WARS2: variants seen among roughly 807,000 people sequenced by gnomAD.
WARS2 encodes the protein tryptophan--tRNA ligase, mitochondrial.
In WARS2, 28 loss-of-function variants were observed where a neutral mutation model predicts 36.5. The ratio of observed to expected loss-of-function variants is 0.77; its 90% confidence interval spans 0.57 to 1.05. The LOEUF is 1.05. WARS2 is among the 50% of genes least tolerant of loss of function. The pLI, the probability that WARS2 is intolerant of heterozygous loss-of-function variation, is 0.00. For synonymous variants in WARS2, 174 were observed against 178.4 expected (o/e 0.98, Z 0.20); for missense variants, 435 against 456.8 (o/e 0.95, Z 0.44).
At position 119,031,266 on chromosome 1, in the gene WARS2, C is replaced by A. The variant is rs1034492539; in HGVS notation, c.*1645G>T. The A allele has an allele frequency of 3.9e-5, 6 of 152,168 alleles. No individual in the cohort carries two copies. Among genetic ancestry groups the A allele is most frequent in the African/African-American group, 9.7e-5 (4 of 41,420 alleles). 9.4% of individuals were successfully genotyped at this position (152,168 alleles called of 1,614,324 possible). ...TTTGTCATTTTCCAGTATTCACAAT[C>A]CTTTCAAAGTTTCCTTTAAAGGGGA... On this transcript the variant is annotated 3_prime_UTR_variant, in exon 6 of 6. Transcript: ENST00000235521.
chr1:119,076,447 T>A lies in WARS2; in HGVS notation c.251A>T (p.Asp84Val). 1 of 1,614,036 alleles carries A rather than the reference T, an allele frequency of 6.2e-7. No homozygotes were observed. The highest frequency in any genetic ancestry group is 8.5e-7 in the Non-Finnish European group (1 of 1,180,006). ...GATGCTCTGCCGAAGGACAGCTGGG[T>A]CTTGGGGGACAGTAATGGAGTGGAG... ...VDLHSITVPQDPAVLRQSILD... is the reference protein window; with the variant it reads ...VDLHSITVPQVPAVLRQSILD... The change falls in exon 2 of 6, where the codon GAC (aspartate) becomes GTC (valine). Residue 84 changes from aspartate (D) to valine (V), a missense_variant. By Grantham distance (152) the Asp-to-Val change is radical. Coordinates refer to ENST00000235521, the MANE Select transcript of WARS2 (RefSeq NM_015836.4).
chr1:119,038,169 G>A (rs17023129), intron 4 of WARS2, among the ~76,000 whole-genome samples: 3,102 of 152,264 alleles, frequency 0.02, 116 homozygotes, highest in African/African-American at 0.071. Context: ...CTTTCAGTAG[G>A]GTTCTGGTTT....
At chr1:119,097,843 T>C (rs900856548) in intron 1 of WARS2, among the ~76,000 whole-genome samples, 2 of 152,054 alleles carry the variant, frequency 1.3e-5, no homozygotes, top group Admixed American at 6.6e-5. Flanking sequence ...TCGTCTTAAA[T>C]CCCATGACAC....
intron 1 of WARS2, among the ~76,000 whole-genome samples, chr1:119,129,708 C>T (rs765518931): frequency 1.0e-4 from 15 of 148,020 alleles, no homozygotes; most frequent in Admixed American, 2.1e-4. Context: ...GAGTGATACT[C>T]TATCTCAAAA....
chr1:119,058,916 G>A (rs1423425659), intron 2 of WARS2, among the ~76,000 whole-genome samples: 1 of 151,120 alleles, frequency 6.6e-6, no homozygotes, highest in African/African-American at 2.4e-5. Flanking sequence ...CTAGTTTACA[G>A]TCCCACCAAC....
intron 1 of WARS2, among the ~76,000 whole-genome samples, chr1:119,122,018 C>T (rs954501885): frequency 6.6e-6 from 1 of 152,020 alleles, no homozygotes; most frequent in Admixed American, 6.6e-5. Flanking sequence ...AAAGCAAATG[C>T]AATGAAAACC....
intron 1 of WARS2, among the ~76,000 whole-genome samples, chr1:119,121,407 G>A (rs1277546711): frequency 1.3e-5 from 2 of 152,052 alleles, no homozygotes; most frequent in Non-Finnish European, 2.9e-5. Context: ...ACAAACAAAT[G>A]GAAACACATC....
At chr1:119,103,386 T>G (rs587626012) in intron 1 of WARS2, among the ~76,000 whole-genome samples, 2 of 152,100 alleles carry the variant, frequency 1.3e-5, no homozygotes, top group African/African-American at 2.4e-5. Context: ...ATCCCAACAT[T>G]TGGATTTGGG....
Position 119,053,310 on chromosome 1 carries a change from C to T in WARS2, c.349-7648G>A, listed in dbSNP as rs201538757. On this transcript the variant is annotated intron_variant, in intron 2 of 5. Coordinates refer to ENST00000235521, the MANE Select transcript of WARS2 (RefSeq NM_015836.4). ...GAAGAGATAGTAGCAATGGCAGTGG[C>T]GATAGAGACTACGTGCTGCCTGCAA... Among the ~76,000 whole-genome samples the T allele has an allele frequency of 1.1e-4, 16 of 152,204 alleles. No individual in the cohort carries two copies. In the East Asian group the frequency reaches 2.5e-3, roughly 24 times the overall value.
chr1:119,059,937 G>C (rs1650239006), intron 2 of WARS2, among the ~76,000 whole-genome samples: 1 of 152,132 alleles, frequency 6.6e-6, no homozygotes, highest in South Asian at 2.1e-4. Context: ...GCCTTTCAAA[G>C]GGTGGAGGGT....
At chr1:119,071,347 T>A (rs955289833) in intron 2 of WARS2, among the ~76,000 whole-genome samples, 6 of 152,150 alleles carry the variant, frequency 3.9e-5, no homozygotes, top group Non-Finnish European at 8.8e-5. Context: ...AATGGGTATA[T>A]ATACAAAGGA....
At chr1:119,069,042 T>C (rs1357165177) in intron 2 of WARS2, among the ~76,000 whole-genome samples, 1 of 152,148 alleles carries the variant, frequency 6.6e-6, no homozygotes, top group African/African-American at 2.4e-5. Flanking sequence ...ATGCAAAGGA[T>C]TGGAGATGAA....
intron 5 of WARS2, 104 bp downstream of exon 5, chr1:119,033,991 A>G (rs1239009669): frequency 4.3e-6 from 4 of 937,538 alleles, no homozygotes; most frequent in Non-Finnish European, 6.6e-6. Flanking sequence ...AAGCCTGTCT[A>G]CAAGAAAGCT....
At chr1:119,079,480 G>T (rs1652028165) in intron 1 of WARS2, among the ~76,000 whole-genome samples, 1 of 152,076 alleles carries the variant, frequency 6.6e-6, no homozygotes, top group Non-Finnish European at 1.5e-5. Flanking sequence ...GGTTGGGGTT[G>T]CTGACTGAGA....
intron 1 of WARS2, among the ~76,000 whole-genome samples, chr1:119,129,005 T>A (rs192517129): frequency 4.2e-4 from 64 of 152,330 alleles, no homozygotes; most frequent in Non-Finnish European, 7.9e-4. Context: ...GGAGATGTCA[T>A]GTGGATGCTG....
At chr1:119,060,706 C>T (rs1650302817) in intron 2 of WARS2, among the ~76,000 whole-genome samples, 1 of 152,162 alleles carries the variant, frequency 6.6e-6, no homozygotes, top group African/African-American at 2.4e-5. Flanking sequence ...AAATGGATAA[C>T]ACGGAGTAAG....
chr1:119,046,725 G>T (rs1648883696), intron 2 of WARS2, among the ~76,000 whole-genome samples: 1 of 150,706 alleles, frequency 6.6e-6, no homozygotes, highest in Non-Finnish European at 1.5e-5. Context: ...TAAGGCCTAT[G>T]CATCCCGTTT....
At chr1:119,111,064 T>C (rs981472046) in intron 1 of WARS2, among the ~76,000 whole-genome samples, 1 of 152,190 alleles carries the variant, frequency 6.6e-6, no homozygotes, top group African/African-American at 2.4e-5. Flanking sequence ...ATTAAAGCCC[T>C]TAACATATTA....
chr1:119,048,739 G>A (rs1422784977), intron 2 of WARS2, among the ~76,000 whole-genome samples: 1 of 152,110 alleles, frequency 6.6e-6, no homozygotes, highest in East Asian at 1.9e-4. Flanking sequence ...AGATCACCTT[G>A]GTCGGCCACA....
Sources: allele counts gnomAD v4.1 joint callset (sites outside exome capture counted in the v4.1 genomes callset), GRCh38; gene constraint gnomAD v4.1.1; transcripts MANE v1.5; gene names NCBI Gene and HGNC (gene_info 2026-07-23, HGNC 2026-07-21).